Variants in RBMS3 observed in about 807,000 individuals in gnomAD.
The protein encoded by RBMS3 is RNA-binding motif, single-stranded-interacting protein 3.
Under a neutral mutation model 66.8 loss-of-function variants are expected in RBMS3, and 27 were observed. The observed-to-expected ratio is 0.40, with a 90% CI of 0.30 to 0.56. The LOEUF (loss-of-function observed/expected upper bound fraction) is 0.56. Ranked by LOEUF, RBMS3 falls within the 20% of genes least tolerant of loss-of-function variation. The pLI, the probability that RBMS3 is intolerant of heterozygous loss-of-function variation, is 0.40. For missense variants in RBMS3, 513 were observed against 549.5 expected (o/e 0.93, Z 0.66); for synonymous variants, 188 against 183.0 (o/e 1.03, Z -0.22).
chr3:29,296,875 T>A (rs956512466), intron 1 of RBMS3, among the ~76,000 whole-genome samples: 1 of 142,288 alleles, frequency 7.0e-6, no homozygotes, highest in South Asian at 2.2e-4. Flanking sequence ...CCTGAAAAGA[T>A]GACCTTTTTT....
intron 4 of RBMS3, among the ~76,000 whole-genome samples, chr3:29,714,921 T>A (rs775448562): frequency 2.6e-5 from 4 of 152,164 alleles, no homozygotes; most frequent in Non-Finnish European, 4.4e-5. Flanking sequence ...GTCTGATTAT[T>A]TGAGTAGTGA....
At position 29,681,125 on chromosome 3, in the gene RBMS3, C is replaced by T. The variant is rs564046369; in HGVS notation, c.400-58595C>T. Reference sequence around the variant, plus strand: ...TCTCTCTGCTATCTTTCTCTACTCTCTTAATGAAAATTACATTCTGCTCAG... The same window carrying T: ...TCTCTCTGCTATCTTTCTCTACTCTTTTAATGAAAATTACATTCTGCTCAG... On this transcript the variant is annotated intron_variant, in intron 4 of 14. Transcript: ENST00000383767. Among the ~76,000 whole-genome samples the T allele has an allele frequency of 6.6e-5, 10 of 152,336 alleles. 1 individual carries two copies. The South Asian group carries it at 2.1e-3, about 32-fold the overall frequency.
intron 5 of RBMS3, among the ~76,000 whole-genome samples, chr3:29,756,740 T>G (rs1488007504): frequency 6.6e-6 from 1 of 151,958 alleles, no homozygotes; most frequent in African/African-American, 2.4e-5. Flanking sequence ...TACCCACAAC[T>G]CCCCAATTCA....
chr3:29,916,878 A>G (rs1432189167), intron 10 of RBMS3, among the ~76,000 whole-genome samples: 2 of 152,064 alleles, frequency 1.3e-5, no homozygotes, highest in Non-Finnish European at 2.9e-5. Context: ...CATGTAATTA[A>G]TTAATTCCTG....
At position 29,897,414 on chromosome 3, in the gene RBMS3, G is replaced by T. The variant is rs745458478; in HGVS notation, c.827G>T (p.Arg276Leu). 8 of 1,610,888 alleles carry T rather than the reference G, an allele frequency of 5.0e-6. No homozygotes were observed. The highest frequency in any genetic ancestry group is 1.3e-5 in the African/African-American group (1 of 74,598). ...YSSPYSIATNRMIPQTSITPF... is the reference protein window; with the variant it reads ...YSSPYSIATNLMIPQTSITPF... ...TCACCGTACAGTATTGCAACCAACC[G>T]CATGATTCCACAGACATCTATCACG... Residue 276 changes from arginine to leucine, a missense_variant, in exon 9 of 15, where the codon CGC (arginine) becomes CTC (leucine). Arg to Leu is a moderately radical substitution (Grantham distance 102). Transcript: ENST00000383767.
chr3:29,669,961 A>G (rs1166779666), intron 4 of RBMS3, among the ~76,000 whole-genome samples: 2 of 152,170 alleles, frequency 1.3e-5, no homozygotes, highest in Non-Finnish European at 2.9e-5. Flanking sequence ...TTCAAATTGC[A>G]GGTCTTATAT....
At chr3:29,818,366 T>C (rs1205505632) in intron 6 of RBMS3, among the ~76,000 whole-genome samples, 1 of 151,906 alleles carries the variant, frequency 6.6e-6, no homozygotes, top group African/African-American at 2.4e-5. Flanking sequence ...AGACGATGTT[T>C]TTTTACATTT....
intron 1 of RBMS3, among the ~76,000 whole-genome samples, chr3:29,361,763 C>G (rs1290096475): frequency 6.6e-6 from 1 of 152,094 alleles, no homozygotes; most frequent in African/African-American, 2.4e-5. Flanking sequence ...ATTCTTTTTT[C>G]TCTAAACTTC....
chr3:29,472,005 G>A (rs988630572), intron 2 of RBMS3, among the ~76,000 whole-genome samples: 3 of 151,928 alleles, frequency 2.0e-5, no homozygotes, highest in Admixed American at 2.0e-4. Context: ...AGAAAACATT[G>A]TTAGCTTCTG....
chr3:29,775,592 G>A (rs2056401102), intron 6 of RBMS3, among the ~76,000 whole-genome samples: 1 of 151,988 alleles, frequency 6.6e-6, no homozygotes, highest in African/African-American at 2.4e-5. Flanking sequence ...TGGGAGCTGT[G>A]TTATCATCAT....
intron 4 of RBMS3, among the ~76,000 whole-genome samples, chr3:29,622,103 A>G (rs1254130607): frequency 3.3e-5 from 5 of 152,190 alleles, no homozygotes; most frequent in Non-Finnish European, 5.9e-5. Flanking sequence ...ATTTCATGGA[A>G]AAAAAATCAA....
chr3:29,675,442 T>A (rs1298167343), intron 4 of RBMS3, among the ~76,000 whole-genome samples: 1 of 152,124 alleles, frequency 6.6e-6, no homozygotes, highest in Non-Finnish European at 1.5e-5. Flanking sequence ...CTAATTAAAC[T>A]AAAGAGCTTC....
At chr3:29,388,242 T>A (rs1163879572) in intron 1 of RBMS3, among the ~76,000 whole-genome samples, 4 of 152,238 alleles carry the variant, frequency 2.6e-5, no homozygotes, top group Admixed American at 6.5e-5. Context: ...GATAGAGAAA[T>A]AAGCGGTTTG....
chr3:29,733,555 G>A lies in RBMS3; in HGVS notation c.400-6165G>A, dbSNP rs531263594. Among the ~76,000 whole-genome samples, 5 of 151,854 alleles carry A rather than the reference G, an allele frequency of 3.3e-5. No individual in the cohort carries two copies. In the South Asian group the frequency reaches 8.3e-4, roughly 25 times the overall value. On this transcript the variant is annotated intron_variant, in intron 4 of 14. Coordinates refer to ENST00000383767, the MANE Select transcript of RBMS3 (RefSeq NM_001003793.3). ...TATTTTTTATTTTTTCTGATAATAG[G>A]CATTCTAATAGGGGTGAGATGATAT...
intron 1 of RBMS3, among the ~76,000 whole-genome samples, chr3:29,379,080 G>T (rs982193009): frequency 2.6e-5 from 4 of 152,050 alleles, no homozygotes; most frequent in African/African-American, 9.7e-5. Context: ...GCCATTTTCT[G>T]TGCTTTCCTC....
intron 3 of RBMS3, among the ~76,000 whole-genome samples, chr3:29,563,419 A>C (rs1322920998): frequency 6.6e-6 from 1 of 152,196 alleles, no homozygotes; most frequent in Non-Finnish European, 1.5e-5. Context: ...ATATTTCTTT[A>C]GTACCTGCCA....
At chr3:29,644,136 GTT>G (rs761565001) in intron 4 of RBMS3, among the ~76,000 whole-genome samples, 15 of 152,100 alleles carry the variant, frequency 9.9e-5, no homozygotes, top group Non-Finnish European at 2.1e-4. Flanking sequence ...TCACTAACAG[GTT>G]TACAATATAG....
intron 3 of RBMS3, among the ~76,000 whole-genome samples, chr3:29,569,942 TTATAGAGATCC>T (rs1559476737): frequency 1.3e-5 from 2 of 149,764 alleles, no homozygotes; most frequent in Non-Finnish European, 3.0e-5. Flanking sequence ...ATTGATGGGA[TTATAGAGATCC>T]ATATTTACCG....
chr3:29,862,776 G>A (rs917161820), intron 6 of RBMS3, among the ~76,000 whole-genome samples: 3 of 151,284 alleles, frequency 2.0e-5, no homozygotes, highest in African/African-American at 4.9e-5. Flanking sequence ...CCCAGGAGGC[G>A]CAGGCTGAAG....
Sources: gnomAD v4.1 joint callset for allele counts (sites outside exome capture counted in the v4.1 genomes callset) on GRCh38, gnomAD v4.1.1 for gene constraint, MANE v1.5 for transcripts, NCBI Gene and HGNC (gene_info 2026-07-23, HGNC 2026-07-21) for gene names.